VPS41: variants seen among roughly 807,000 people sequenced by gnomAD.
VPS41 encodes vacuolar protein sorting-associated protein 41 homolog.
In VPS41, 85 loss-of-function variants were observed where a neutral mutation model predicts 130.9. The observed-to-expected ratio is 0.65, with a 90% CI of 0.55 to 0.78. The LOEUF (loss-of-function observed/expected upper bound fraction) is 0.78. VPS41 is among the 30% of genes least tolerant of loss of function. VPS41 has a pLI of 0.00. For missense variants in VPS41, 874 were observed against 1,018.7 expected, an observed-to-expected ratio of 0.86 and a Z score of 1.93; for synonymous variants, 335 against 332.9, an observed-to-expected ratio of 1.01 and a Z score of -0.07.
At chr7:38,817,678 C>G (rs773744348) in intron 7 of VPS41, 139 bp downstream of exon 7, 34 of 770,352 alleles carry the variant, frequency 4.4e-5, no homozygotes, top group Non-Finnish European at 7.3e-5. Flanking sequence ...AGATGATGAT[C>G]ATCAGATTTC....
rs905427679 is a variant in VPS41, at chr7:38,778,614, T to C, written c.785-1838A>G. 4.6e-5 allele frequency among the ~76,000 whole-genome samples: 7 copies of C among 152,206 alleles called. No individual in the cohort carries two copies. In the South Asian group the frequency reaches 1.4e-3, roughly 32 times the overall value. The stretch of plus-strand genomic sequence containing the variant: ...TGCATTCTGTTTTACTAAATCACAT[T>C]CCATTTTTGAAATGCTACACATACA... On this transcript the variant is annotated intron_variant, in intron 10 of 28. Coordinates refer to ENST00000310301, the MANE Select transcript of VPS41 (RefSeq NM_014396.4).
At chr7:38,860,800 G>A (rs1786091059) in intron 4 of VPS41, among the ~76,000 whole-genome samples, 1 of 151,600 alleles carries the variant, frequency 6.6e-6, no homozygotes, top group South Asian at 2.1e-4. Context: ...CAAACTGCCA[G>A]GTCGTTAGGC....
intron 21 of VPS41, 29 bp downstream of exon 21, chr7:38,754,673 G>C (rs1193704311): frequency 6.2e-7 from 1 of 1,604,004 alleles, no homozygotes; most frequent in Non-Finnish European, 8.5e-7. Flanking sequence ...TCAATCAAAA[G>C]GGCAAAAGGA....
Position 38,846,107 on chromosome 7 carries a change from T to C in VPS41, c.247-15779A>G, listed in dbSNP as rs74525051. ...TAACTGCACTTAACAAAAAAGCAACTAATAGTACCAAACACCCAACATGAT... is the reference window on the plus strand; with the variant it reads ...TAACTGCACTTAACAAAAAAGCAACCAATAGTACCAAACACCCAACATGAT... On this transcript the variant is annotated intron_variant, in intron 4 of 28. Coordinates refer to ENST00000310301, the MANE Select transcript of VPS41 (RefSeq NM_014396.4). Among the ~76,000 whole-genome samples the C allele has an allele frequency of 9.0e-3, 1,366 of 152,160 alleles. 26 individuals are homozygous for C. Among genetic ancestry groups the C allele is most frequent in the African/African-American group, 0.03 (1,263 of 41,490 alleles).
At chr7:38,745,460 A>C in intron 23 of VPS41, 99 bp downstream of exon 23, 1 of 897,454 alleles carries the variant, frequency 1.1e-6, no homozygotes, top group Middle Eastern at 2.3e-4. Context: ...ATTCTGTGTT[A>C]CGTTGGTCTA....
At chr7:38,790,509 A>C (rs1486058991) in intron 9 of VPS41, among the ~76,000 whole-genome samples, 2 of 152,186 alleles carry the variant, frequency 1.3e-5, no homozygotes, top group African/African-American at 4.8e-5. Context: ...GAAAAAAAAA[A>C]ATTCTACAAA....
chr7:38,907,060 T>C (rs1404659816), intron 1 of VPS41, among the ~76,000 whole-genome samples: 2 of 145,500 alleles, frequency 1.4e-5, no homozygotes, highest in African/African-American at 2.5e-5. Context: ...TGGTAAGAGG[T>C]ACACAGAAAT....
At position 38,837,182 on chromosome 7, in the gene VPS41, C is replaced by T. The variant is rs142198329; in HGVS notation, c.247-6854G>A. On this transcript the variant is annotated intron_variant, in intron 4 of 28. Coordinates refer to ENST00000310301, the MANE Select transcript of VPS41 (RefSeq NM_014396.4). The stretch of plus-strand genomic sequence containing the variant: ...AACATCTTAGGTTAAAGGCAGGGGG[C>T]TGGCCAGACCAGACATTAGGGTAGG... 8.5e-5 allele frequency among the ~76,000 whole-genome samples: 13 copies of T among 152,266 alleles called. No individual in the cohort carries two copies. In the East Asian group the frequency reaches 2.3e-3, roughly 27 times the overall value.
At chr7:38,747,535 A>G (rs1312716081) in intron 22 of VPS41, among the ~76,000 whole-genome samples, 1 of 152,234 alleles carries the variant, frequency 6.6e-6, no homozygotes, top group Non-Finnish European at 1.5e-5. Context: ...ACTTTAAAAT[A>G]CCATTCAAGA....
intron 3 of VPS41, among the ~76,000 whole-genome samples, chr7:38,863,858 G>C (rs190757340): frequency 1.3e-5 from 2 of 152,286 alleles, no homozygotes; most frequent in East Asian, 3.9e-4. Context: ...ATGCTTGGGC[G>C]CTGGAAGGGA....
intron 22 of VPS41, among the ~76,000 whole-genome samples, chr7:38,748,590 G>A (rs946427105): frequency 4.0e-5 from 6 of 150,498 alleles, no homozygotes. Context: ...TAAATCTGCT[G>A]AACTATAAAA....
intron 20 of VPS41, 65 bp downstream of exon 20, chr7:38,754,830 T>C: frequency 6.3e-7 from 1 of 1,586,472 alleles, no homozygotes. Context: ...TAAACTCTCT[T>C]CTTCACAGCT....
chr7:38,752,221 G>A lies in VPS41; in HGVS notation c.1881C>T (p.Asn627=). 1 of 1,614,010 alleles carries A rather than the reference G, an allele frequency of 6.2e-7. No homozygotes were observed. Among genetic ancestry groups the A allele is most frequent in the East Asian group, 2.2e-5 (1 of 44,886 alleles). Residue 627 remains asparagine (N), a synonymous_variant, in exon 22 of 29, where the codon AAC becomes AAT. Transcript: ENST00000310301. ...TACTGTCTCGGAGAAAGGGAAGTAA[G>A]TTTGGTCGATCATATTCAGCATAAA... ...ISLYAEYDRP[N]LLPFLRDSTH...
chr7:38,788,785 TA>T (rs889503816), intron 10 of VPS41, among the ~76,000 whole-genome samples: 1 of 150,868 alleles, frequency 6.6e-6, no homozygotes, highest in African/African-American at 2.4e-5. Flanking sequence ...CTCCTAAAGT[TA>T]AAAAAAAAGA....
At chr7:38,753,903 C>T (rs947191090) in intron 21 of VPS41, among the ~76,000 whole-genome samples, 1 of 152,144 alleles carries the variant, frequency 6.6e-6, no homozygotes, top group African/African-American at 2.4e-5. Flanking sequence ...TGCTCTATTC[C>T]CTAAGCCTCC....
chr7:38,740,069 T>A (rs1472349252), intron 25 of VPS41, among the ~76,000 whole-genome samples: 1 of 152,198 alleles, frequency 6.6e-6, no homozygotes, highest in Non-Finnish European at 1.5e-5. Flanking sequence ...GGATGCACTA[T>A]GTGGTCTTGC....
intron 1 of VPS41, among the ~76,000 whole-genome samples, chr7:38,900,755 T>G (rs2116448902): frequency 6.6e-6 from 1 of 152,346 alleles, no homozygotes; most frequent in East Asian, 1.9e-4. Flanking sequence ...TAGGAAACTC[T>G]GAGACTTGCC....
At chr7:38,785,715 T>G (rs1784426110) in intron 10 of VPS41, among the ~76,000 whole-genome samples, 1 of 152,230 alleles carries the variant, frequency 6.6e-6, no homozygotes, top group African/African-American at 2.4e-5. Flanking sequence ...CAACTAAACT[T>G]AAGCTAAACA....
In VPS41 at chr7:38,906,485, C is replaced by T. The variant is rs545194248; in HGVS notation, c.21+2669G>A. Among the ~76,000 whole-genome samples the T allele has an allele frequency of 1.8e-4, 28 of 152,122 alleles. 1 individual carries two copies. Among genetic ancestry groups the T allele is most frequent in the Admixed American group, 7.2e-4 (11 of 15,274 alleles). On this transcript the variant is annotated intron_variant, in intron 1 of 28. Coordinates refer to ENST00000310301, the MANE Select transcript of VPS41 (RefSeq NM_014396.4). ...TCAGCCTCCCGAGTAGCTGGGACTACACACCACCATGCCTGGCTAATTTTT... is the reference window on the plus strand; with the variant it reads ...TCAGCCTCCCGAGTAGCTGGGACTATACACCACCATGCCTGGCTAATTTTT...
Sources: allele counts gnomAD v4.1 joint callset (sites outside exome capture counted in the v4.1 genomes callset), GRCh38; gene constraint gnomAD v4.1.1; transcripts MANE v1.5; gene names NCBI Gene and HGNC (gene_info 2026-07-23, HGNC 2026-07-21).